The following B3GALT1 variants were observed in gnomAD, a reference collection of about 807,000 sequenced individuals.
The protein encoded by B3GALT1 is UDP-Gal:betaGlcNAc beta 1,3-galactosyltransferase, polypeptide 1.
A neutral mutation model predicts 23.2 loss-of-function variants in B3GALT1; 10 were observed. The ratio of observed to expected loss-of-function variants is 0.43; its 90% CI spans 0.27 to 0.73. The LOEUF is 0.73. Ranked by LOEUF, B3GALT1 falls within the 30% of genes least tolerant of loss-of-function variation. The pLI, the probability that B3GALT1 is intolerant of heterozygous loss-of-function variation, is 0.21. For synonymous variants in B3GALT1, 156 were observed against 141.5 expected (o/e 1.10, Z -0.73); for missense variants, 299 against 405.4 (o/e 0.74, Z 2.25).
chr2:167,819,443 C>T (rs1453340798), intron 4 of B3GALT1, among the ~76,000 whole-genome samples: 1 of 152,086 alleles, frequency 6.6e-6, no homozygotes, highest in Non-Finnish European at 1.5e-5. Context: ...AAGATAAATA[C>T]TTAGAATATT....
intron 1 of B3GALT1, among the ~76,000 whole-genome samples, chr2:167,312,761 ACT>A (rs1481994152): frequency 6.6e-6 from 1 of 151,966 alleles, no homozygotes; most frequent in African/African-American, 2.4e-5. Context: ...AAAAACTATC[ACT>A]CTTCACTTTG....
chr2:167,585,026 C>T (rs1684563603), intron 2 of B3GALT1, among the ~76,000 whole-genome samples: 1 of 152,198 alleles, frequency 6.6e-6, no homozygotes, highest in Non-Finnish European at 1.5e-5. Flanking sequence ...TGTCCCAATC[C>T]TCTACTCCTG....
At chr2:167,825,293 A>C (rs1435850113) in intron 4 of B3GALT1, among the ~76,000 whole-genome samples, 3 of 149,680 alleles carry the variant, frequency 2.0e-5, no homozygotes, top group Non-Finnish European at 4.4e-5. Flanking sequence ...CAAAAAAAAA[A>C]AAAAAACAGA....
At chr2:167,606,120 G>A (rs1277007050) in intron 2 of B3GALT1, among the ~76,000 whole-genome samples, 1 of 152,132 alleles carries the variant, frequency 6.6e-6, no homozygotes. Context: ...ACAATTTTCT[G>A]TACTAGCTTG....
intron 3 of B3GALT1, among the ~76,000 whole-genome samples, chr2:167,746,029 T>A (rs1241758650): frequency 1.3e-5 from 2 of 152,188 alleles, no homozygotes; most frequent in Non-Finnish European, 2.9e-5. Context: ...CTTTGTCTAA[T>A]CTCCTGAGTC....
At chr2:167,344,878 A>G (rs993831821) in intron 1 of B3GALT1, among the ~76,000 whole-genome samples, 1 of 152,212 alleles carries the variant, frequency 6.6e-6, no homozygotes, top group African/African-American at 2.4e-5. Context: ...TCTTCCAGTC[A>G]TATGAATGTG....
At chr2:167,744,646 C>T (rs1687624965) in intron 3 of B3GALT1, among the ~76,000 whole-genome samples, 1 of 151,700 alleles carries the variant, frequency 6.6e-6, no homozygotes, top group African/African-American at 2.4e-5. Flanking sequence ...GGCTGGAGTG[C>T]AGTGGCATGA....
rs532642957 is a variant in B3GALT1, at chr2:167,668,553, C to T, written c.-352+21587C>T. ...GGCGGGCACCCCTCCCCCAGCCTCG[C>T]TGCCGCCTTGCAGTTTGATCTCAGA... On this transcript the variant is annotated intron_variant, in intron 3 of 4. Transcript: ENST00000392690. 7.9e-5 allele frequency among the ~76,000 whole-genome samples: 12 copies of T among 152,302 alleles called. No homozygotes were observed. The South Asian group carries it at 1.9e-3, about 24-fold the overall frequency.
intron 1 of B3GALT1, among the ~76,000 whole-genome samples, chr2:167,394,633 A>G (rs987009854): frequency 6.6e-6 from 1 of 152,036 alleles, no homozygotes; most frequent in Admixed American, 6.5e-5. Flanking sequence ...ATTATTTTCC[A>G]TATTTCGTAA....
intron 2 of B3GALT1, among the ~76,000 whole-genome samples, chr2:167,582,223 A>G (rs1684496964): frequency 6.6e-6 from 1 of 152,182 alleles, no homozygotes; most frequent in African/African-American, 2.4e-5. Flanking sequence ...TTTAGCCAAC[A>G]TGGGAATTTT....
At chr2:167,572,314 C>T (rs913154888) in intron 2 of B3GALT1, among the ~76,000 whole-genome samples, 1 of 151,760 alleles carries the variant, frequency 6.6e-6, no homozygotes, top group Non-Finnish European at 1.5e-5. Flanking sequence ...AAATAAGTAA[C>T]TTTGTTATAT....
intron 1 of B3GALT1, among the ~76,000 whole-genome samples, chr2:167,413,005 C>G (rs2105296793): frequency 6.6e-6 from 1 of 152,184 alleles, no homozygotes; most frequent in South Asian, 2.1e-4. Context: ...TGATAGAAAT[C>G]AGAATATCTC....
At chr2:167,802,602 C>G (rs977647781) in intron 3 of B3GALT1, among the ~76,000 whole-genome samples, 14 of 152,202 alleles carry the variant, frequency 9.2e-5, no homozygotes, top group Non-Finnish European at 1.2e-4. Flanking sequence ...CACATTTCAT[C>G]TTAATATAAC....
intron 2 of B3GALT1, among the ~76,000 whole-genome samples, chr2:167,591,181 G>A (rs542635727): frequency 6.6e-6 from 1 of 152,272 alleles, no homozygotes; most frequent in Admixed American, 6.5e-5. Flanking sequence ...GTGTGTGTAA[G>A]AACGTAAAAA....
At chr2:167,680,481 T>C (rs1211226631) in intron 3 of B3GALT1, among the ~76,000 whole-genome samples, 1 of 93,616 alleles carries the variant, frequency 1.1e-5, no homozygotes, top group Non-Finnish European at 2.7e-5. Flanking sequence ...TTGCATGACA[T>C]AGAGTGGGAA....
At chr2:167,571,469 C>T (rs773157653) in intron 2 of B3GALT1, among the ~76,000 whole-genome samples, 6 of 151,750 alleles carry the variant, frequency 4.0e-5, no homozygotes, top group Non-Finnish European at 8.8e-5. Context: ...TGTTTCTAAT[C>T]GAAGGGCAGC....
chr2:167,853,991 A>C (rs1319473996), intron 4 of B3GALT1, among the ~76,000 whole-genome samples: 4 of 152,166 alleles, frequency 2.6e-5, no homozygotes, highest in African/African-American at 4.8e-5. Flanking sequence ...GTTTTCAGAT[A>C]TCATCTTCAA....
At chr2:167,770,928 T>G (rs1688061956) in intron 3 of B3GALT1, among the ~76,000 whole-genome samples, 1 of 152,200 alleles carries the variant, frequency 6.6e-6, no homozygotes, top group East Asian at 1.9e-4. Context: ...CCTATCTCCA[T>G]TTTCGATAGC....
rs1420412940 is a variant in B3GALT1, at chr2:167,302,186, TGAA to T, written c.-511+8857_-511+8859del. Among the ~76,000 whole-genome samples, 5 of 152,200 alleles carry T rather than the reference TGAA, an allele frequency of 3.3e-5. No homozygotes were observed. In the East Asian group the frequency reaches 9.6e-4, roughly 29 times the overall value. On this transcript the variant is annotated intron_variant, in intron 1 of 4. Transcript: ENST00000392690. Reference sequence around the variant, plus strand: ...AAAAAGCAGAATACAAAATTTAGTATGAAGAAGGACTCTTGATTTACATTTATA... The same window carrying T: ...AAAAAGCAGAATACAAAATTTAGTATGAAGGACTCTTGATTTACATTTATA...
Sources: gnomAD v4.1 joint callset for allele counts (sites outside exome capture counted in the v4.1 genomes callset) on GRCh38, gnomAD v4.1.1 for gene constraint, MANE v1.5 for transcripts, NCBI Gene and HGNC (gene_info 2026-07-23, HGNC 2026-07-21) for gene names.